The following FREM2 variants were observed in gnomAD, a reference collection of about 807,000 sequenced individuals.
FREM2 encodes FRAS1-related extracellular matrix protein 2.
A neutral mutation model predicts 219.9 loss-of-function variants in FREM2; 119 were observed. That is an observed-to-expected ratio of 0.54 (90% confidence interval 0.47 to 0.63). The LOEUF is 0.63. FREM2 is among the 30% of genes least tolerant of loss of function. The pLI is 0.00. For synonymous variants in FREM2, 1,562 were observed against 1,522.8 expected (o/e 1.03, Z -0.60); for missense variants, 4,030 against 3,993.6 (o/e 1.01, Z -0.25).
chr13:38,820,525 A>G (rs1169359740), intron 6 of FREM2, among the ~76,000 whole-genome samples: 3 of 152,164 alleles, frequency 2.0e-5, no homozygotes, highest in Admixed American at 2.0e-4. Context: ...GCAGCTTCTC[A>G]GATACTAGAC....
chr13:38,860,245 G>A (rs947831104), intron 14 of FREM2, among the ~76,000 whole-genome samples: 3 of 152,008 alleles, frequency 2.0e-5, no homozygotes, highest in Non-Finnish European at 4.4e-5. Context: ...AGAGGGGTAC[G>A]TGCAAATTAA....
intron 2 of FREM2, among the ~76,000 whole-genome samples, chr13:38,747,646 T>C (rs1427912381): frequency 6.6e-6 from 1 of 152,188 alleles, no homozygotes; most frequent in East Asian, 1.9e-4. Flanking sequence ...ATTAATATTA[T>C]TACCATAATC....
At chr13:38,753,134 G>T (rs1872845389) in intron 2 of FREM2, among the ~76,000 whole-genome samples, 1 of 151,406 alleles carries the variant, frequency 6.6e-6, no homozygotes, top group Non-Finnish European at 1.5e-5. Flanking sequence ...TTAACTCTTG[G>T]TAAAGCAGTT....
chr13:38,765,685 A>G (rs1873406830), intron 3 of FREM2, among the ~76,000 whole-genome samples: 1 of 151,950 alleles, frequency 6.6e-6, no homozygotes, highest in Non-Finnish European at 1.5e-5. Context: ...TTGATTCTGA[A>G]TATTAATTAC....
intron 2 of FREM2, among the ~76,000 whole-genome samples, chr13:38,741,894 G>T (rs938486608): frequency 1.3e-5 from 2 of 152,160 alleles, no homozygotes; most frequent in Admixed American, 1.3e-4. Flanking sequence ...TGGAGAAAAA[G>T]ACACTGAGGC....
At chr13:38,719,307 G>A (rs895687949) in intron 2 of FREM2, among the ~76,000 whole-genome samples, 5 of 152,088 alleles carry the variant, frequency 3.3e-5, no homozygotes, top group African/African-American at 9.7e-5. Flanking sequence ...TGACACCTCC[G>A]CCTCCTAGGT....
intron 2 of FREM2, among the ~76,000 whole-genome samples, chr13:38,699,572 A>G (rs1470140726): frequency 6.6e-6 from 1 of 152,070 alleles, no homozygotes; most frequent in Non-Finnish European, 1.5e-5. Context: ...TTTTAGAGAG[A>G]GAGTTTCATG....
intron 11 of FREM2, among the ~76,000 whole-genome samples, chr13:38,852,784 A>G (rs867884286): frequency 3.9e-4 from 58 of 149,204 alleles, no homozygotes; most frequent in Non-Finnish European, 2.5e-4. Context: ...AGCTCACTGC[A>G]GTCTCCGTGT....
rs76655368 is a variant in FREM2 at position 38,711,445 on chromosome 13, C to T, written c.5263+13658C>T. On this transcript the variant is annotated intron_variant, in intron 2 of 23. Coordinates refer to ENST00000280481, the MANE Select transcript of FREM2 (RefSeq NM_207361.6). ...CCTATCTGGAAATATTAATGAATCA[C>T]TTGTTTTAAGATGCTATCTTAGGAG... 6.1e-3 allele frequency among the ~76,000 whole-genome samples: 933 copies of T among 152,048 alleles called. 19 individuals carry two copies. Among genetic ancestry groups the T allele is most frequent in the African/African-American group, 0.022 (904 of 41,440 alleles).
At chr13:38,858,498 A>G (rs550266081) in intron 13 of FREM2, among the ~76,000 whole-genome samples, 1 of 152,344 alleles carries the variant, frequency 6.6e-6, no homozygotes, top group South Asian at 2.1e-4. Context: ...CATTCTAGGA[A>G]GAAGGGACTG....
intron 4 of FREM2, among the ~76,000 whole-genome samples, chr13:38,782,104 AGGGT>A (rs1022795998): frequency 1.3e-5 from 2 of 152,210 alleles, no homozygotes; most frequent in Admixed American, 1.3e-4. Flanking sequence ...AGGGTGAAGC[AGGGT>A]GGAGCATGGA....
chr13:38,758,605 G>T (rs1390039220), intron 2 of FREM2, among the ~76,000 whole-genome samples: 1 of 152,200 alleles, frequency 6.6e-6, no homozygotes, highest in Non-Finnish European at 1.5e-5. Flanking sequence ...GTGGTTTTCA[G>T]CAAAGAGTGA....
intron 4 of FREM2, among the ~76,000 whole-genome samples, chr13:38,777,859 A>G (rs1244893100): frequency 3.3e-5 from 5 of 152,224 alleles, no homozygotes; most frequent in Non-Finnish European, 7.3e-5. Context: ...TTAGGTCAAC[A>G]GAAGACCTAA....
At chr13:38,873,007 C>A in intron 17 of FREM2, 73 bp downstream of exon 17, 3 of 1,313,018 alleles carry the variant, frequency 2.3e-6, no homozygotes, top group Non-Finnish European at 3.3e-6. Flanking sequence ...TTTTTTTTTG[C>A]CATTGCTAAA....
At chr13:38,775,822 T>C (rs1034054651) in intron 4 of FREM2, among the ~76,000 whole-genome samples, 2 of 152,202 alleles carry the variant, frequency 1.3e-5, no homozygotes, top group African/African-American at 2.4e-5. Context: ...TTTCACCATG[T>C]TGGCCAGGCT....
At chr13:38,792,515 C>T (rs1874603340) in intron 6 of FREM2, among the ~76,000 whole-genome samples, 2 of 152,068 alleles carry the variant, frequency 1.3e-5, no homozygotes, top group Non-Finnish European at 2.9e-5. Context: ...ATTTACATAA[C>T]TTTTATTTTA....
At chr13:38,817,160 G>A (rs967148376) in intron 6 of FREM2, among the ~76,000 whole-genome samples, 1 of 152,160 alleles carries the variant, frequency 6.6e-6, no homozygotes, top group South Asian at 2.1e-4. Flanking sequence ...ACAGATTAAT[G>A]CAATTCCTAT....
intron 6 of FREM2, among the ~76,000 whole-genome samples, chr13:38,822,534 T>C (rs1274505009): frequency 6.6e-6 from 1 of 151,916 alleles, no homozygotes; most frequent in Non-Finnish European, 1.5e-5. Context: ...TTTATGCCTG[T>C]GGGTCTAGCG....
At chr13:38,791,088 G>A (rs1226789381) in intron 6 of FREM2, among the ~76,000 whole-genome samples, 1 of 152,122 alleles carries the variant, frequency 6.6e-6, no homozygotes, top group Non-Finnish European at 1.5e-5. Flanking sequence ...AGATCATCAA[G>A]GATTGCTAGT....
Sources: gnomAD v4.1 joint callset for allele counts (sites outside exome capture counted in the v4.1 genomes callset) on GRCh38, gnomAD v4.1.1 for gene constraint, MANE v1.5 for transcripts, NCBI Gene and HGNC (gene_info 2026-07-23, HGNC 2026-07-21) for gene names.